Variants in ATRNL1 observed in about 807,000 individuals in gnomAD.
The protein encoded by ATRNL1 is attractin-like protein 1.
ATRNL1 carries 95 observed loss-of-function variants against 182.7 expected under a neutral mutation model. That is an observed-to-expected ratio of 0.52 (90% CI 0.44 to 0.62). The LOEUF is 0.62. Ranked by LOEUF, ATRNL1 falls within the 20% of genes least tolerant of loss-of-function variation. ATRNL1 has a pLI of 0.00. For missense variants in ATRNL1, 1,471 were observed against 1,679.5 expected (o/e 0.88, Z 2.17); for synonymous variants, 576 against 568.3 (o/e 1.01, Z -0.19).
At chr10:115,392,951 C>T (rs1844103265) in intron 19 of ATRNL1, among the ~76,000 whole-genome samples, 1 of 152,098 alleles carries the variant, frequency 6.6e-6, no homozygotes, top group Non-Finnish European at 1.5e-5. Context: ...GTCCTTCCAC[C>T]TCAGTTAAAT....
chr10:115,889,279 A>G (rs1952022885), intron 28 of ATRNL1, among the ~76,000 whole-genome samples: 1 of 152,090 alleles, frequency 6.6e-6, no homozygotes, highest in Non-Finnish European at 1.5e-5. Context: ...GGCAGTGCTA[A>G]CTAAATTGAT....
chr10:115,895,544 T>C (rs1952185324), intron 28 of ATRNL1, among the ~76,000 whole-genome samples: 1 of 152,234 alleles, frequency 6.6e-6, no homozygotes. Flanking sequence ...ATCTTCTGCC[T>C]GTCACTGTCC....
chr10:115,508,024 A>G (rs1397206456), intron 24 of ATRNL1, among the ~76,000 whole-genome samples: 9 of 152,070 alleles, frequency 5.9e-5, no homozygotes, highest in Admixed American at 4.6e-4. Flanking sequence ...GTTTTGTGGT[A>G]ACCATAGGTT....
intron 19 of ATRNL1, among the ~76,000 whole-genome samples, chr10:115,379,403 G>A (rs1164814869): frequency 6.6e-6 from 1 of 152,138 alleles, no homozygotes; most frequent in Non-Finnish European, 1.5e-5. Flanking sequence ...CTCACAATGA[G>A]CTCACAAAAA....
chr10:115,326,094 C>A (rs1446551958), intron 18 of ATRNL1, among the ~76,000 whole-genome samples: 1 of 151,986 alleles, frequency 6.6e-6, no homozygotes, highest in Non-Finnish European at 1.5e-5. Context: ...GGCAACTAGG[C>A]AGGAGAAGGA....
intron 27 of ATRNL1, among the ~76,000 whole-genome samples, chr10:115,797,770 C>T (rs932049072): frequency 6.6e-6 from 1 of 152,116 alleles, no homozygotes; most frequent in East Asian, 1.9e-4. Context: ...AAGAAGATGA[C>T]ATTCAAGCAA....
rs547705344 is a variant in ATRNL1 at position 115,097,696 on chromosome 10, C to T, written c.293+3653C>T. ...ATCCCAACTCTTTGGGAGACCGAGG[C>T]GGGCGGATCATGAGGTCAGGAGATC... On this transcript the variant is annotated intron_variant, in intron 1 of 28. Coordinates refer to ENST00000355044, the MANE Select transcript of ATRNL1 (RefSeq NM_207303.4). Among the ~76,000 whole-genome samples, 78 of 152,162 alleles carry T rather than the reference C, an allele frequency of 5.1e-4. No individual in the cohort carries two copies. The South Asian group carries it at 0.015, about 28-fold the overall frequency.
chr10:115,536,337 C>G (rs139973442), intron 25 of ATRNL1, among the ~76,000 whole-genome samples: 13 of 152,294 alleles, frequency 8.5e-5, no homozygotes, highest in East Asian at 5.8e-4. Flanking sequence ...CCCCCAGCCT[C>G]GCTGTTGCCT....
At chr10:115,525,563 A>G (rs1162365016) in intron 25 of ATRNL1, among the ~76,000 whole-genome samples, 1 of 152,204 alleles carries the variant, frequency 6.6e-6, no homozygotes, top group Non-Finnish European at 1.5e-5. Context: ...GAGTCCTCCC[A>G]TGGAACACAA....
intron 19 of ATRNL1, among the ~76,000 whole-genome samples, chr10:115,384,172 C>T (rs1482011344): frequency 6.6e-6 from 1 of 151,930 alleles, no homozygotes; most frequent in Non-Finnish European, 1.5e-5. Context: ...TAACTTTTCT[C>T]AATTCCCTAC....
chr10:115,789,120 C>T (rs11197446), intron 27 of ATRNL1, among the ~76,000 whole-genome samples: 3,670 of 152,224 alleles, frequency 0.024, 75 homozygotes, highest in Non-Finnish European at 0.037. Context: ...TCAGTGAATT[C>T]GTCTTTTGCA....
Position 115,266,807 on chromosome 10 carries a change from A to T in ATRNL1, c.1783A>T (p.Ile595Leu). The stretch of plus-strand genomic sequence containing the variant: ...TTTTGTTTTTAATAGGTCCATGTAT[A>T]TATTTGGGGGATTTTCTAGTGTACT... ...SAVVINGSMY[I>L]FGGFSSVLLN... is the part of the protein sequence containing the mutation. Residue 595 changes from isoleucine (I) to leucine (L), a missense_variant, in exon 12 of 29, where the codon ATA becomes TTA. By Grantham distance (5) the Ile-to-Leu change is conservative (BLOSUM62 2). Around this residue, in one of 3 missense-constraint regions of ATRNL1, gnomAD observed 1,031 missense variants for 1,156.0 expected, o/e 0.89. Transcript: ENST00000355044. 1 of 1,603,226 alleles carries T rather than the reference A, an allele frequency of 6.2e-7. No individual in the cohort carries two copies. Among genetic ancestry groups the T allele is most frequent in the Non-Finnish European group, 8.5e-7 (1 of 1,172,326 alleles).
Position 115,442,272 on chromosome 10 carries a change from T to TCC in ATRNL1, c.3322+15971_3322+15972insCC, listed in dbSNP as rs1554965885. Among the ~76,000 whole-genome samples the TCC allele has an allele frequency of 4.4e-4, 45 of 102,512 alleles. No individual in the cohort carries two copies. In the South Asian group the frequency reaches 0.014, roughly 31 times the overall value. The allele number at this position is 102,512 out of a possible 152,430, so 67.3% of individuals were successfully genotyped here. A position where few individuals can be genotyped will look rare whatever the true frequency, so the allele number is the denominator to read the frequency against. On this transcript the variant is annotated intron_variant, in intron 21 of 28. Transcript: ENST00000355044. ...CAGCTTCATTTTCATTTGTGTTTGC[T>TCC]CTCTCTCTCTCTCTCTCTCTCTCTC...
intron 25 of ATRNL1, among the ~76,000 whole-genome samples, chr10:115,545,234 CAAAAAAA>C (rs71010026): frequency 0.21 from 20,543 of 95,874 alleles, 1,504 homozygotes; most frequent in South Asian, 0.32. Context: ...GACTCCGTAT[CAAAAAAA>C]AAAAAAAAAA....
intron 3 of ATRNL1, among the ~76,000 whole-genome samples, chr10:115,126,081 C>T (rs1016865505): frequency 1.6e-4 from 25 of 152,312 alleles, no homozygotes; most frequent in African/African-American, 5.3e-4. Flanking sequence ...TTTTTTGAGA[C>T]GGAGTCTCGC....
intron 26 of ATRNL1, among the ~76,000 whole-genome samples, chr10:115,562,450 T>C (rs1275462030): frequency 6.6e-6 from 1 of 152,208 alleles, no homozygotes; most frequent in Non-Finnish European, 1.5e-5. Flanking sequence ...TCTTATGCTC[T>C]AAATGGGTGA....
chr10:115,194,800 T>A (rs1425275411), intron 8 of ATRNL1, among the ~76,000 whole-genome samples: 2 of 151,940 alleles, frequency 1.3e-5, no homozygotes, highest in Non-Finnish European at 2.9e-5. Context: ...AAAAGTGATT[T>A]TTTTTTCTGG....
intron 26 of ATRNL1, among the ~76,000 whole-genome samples, chr10:115,623,184 G>T (rs1193986302): frequency 6.6e-6 from 1 of 151,924 alleles, no homozygotes; most frequent in Non-Finnish European, 1.5e-5. Flanking sequence ...TGATCAAAAA[G>T]GGAACAAAAA....
At chr10:115,926,539 G>A (rs1440349130) in intron 28 of ATRNL1, among the ~76,000 whole-genome samples, 1 of 151,892 alleles carries the variant, frequency 6.6e-6, no homozygotes, top group East Asian at 1.9e-4. Context: ...AGAAAAGAGA[G>A]AAGAATCTAA....
Sources: allele counts gnomAD v4.1 joint callset (sites outside exome capture counted in the v4.1 genomes callset), GRCh38; gene constraint gnomAD v4.1.1; regional missense constraint gnomAD v4.1.1; transcripts MANE v1.5; gene names NCBI Gene and HGNC (gene_info 2026-07-23, HGNC 2026-07-21).